The following SMARCA1 variants were observed in gnomAD, a reference collection of about 807,000 sequenced individuals.
SMARCA1 encodes SWI/SNF-related matrix-associated actin-dependent regulator of chromatin subfamily A member 1.
In SMARCA1, 17 loss-of-function variants were observed where a neutral mutation model predicts 93.6. The observed-to-expected ratio is 0.18, with a 90% CI of 0.12 to 0.27. SMARCA1 has a LOEUF of 0.27. SMARCA1 is among the 10% of genes least tolerant of loss of function. The pLI is 1.00. For synonymous variants in SMARCA1, 271 were observed against 271.4 expected, an observed-to-expected ratio of 1.00 and a Z score of 0.01; for missense variants, 630 against 819.0, an observed-to-expected ratio of 0.77 and a Z score of 2.82.
At chrX:129,471,087 G>C in intron 20 of SMARCA1, 117 bp downstream of exon 20, 1 of 492,560 alleles carries the variant, frequency 2.0e-6, no homozygotes. Flanking sequence ...AAATAGCCCT[G>C]AGTTTTGTTG....
At chrX:129,451,897 G>A (rs1409349479) in intron 23 of SMARCA1, among the ~76,000 whole-genome samples, 1 of 110,746 alleles carries the variant, frequency 9.0e-6, no homozygotes, top group Non-Finnish European at 1.9e-5. Context: ...TAGAGACAGG[G>A]TTTCACCATG....
chrX:129,523,011 G>A (rs1935464484), intron 1 of SMARCA1, among the ~76,000 whole-genome samples, 186 bp downstream of exon 1: 1 of 111,152 alleles, frequency 9.0e-6, no homozygotes, highest in Admixed American at 9.3e-5. Flanking sequence ...CGTCCTCCAG[G>A]CGGCGAGAAG....
chrX:129,471,709 A>C (rs1392203489), intron 19 of SMARCA1, among the ~76,000 whole-genome samples: 3 of 112,440 alleles, frequency 2.7e-5, no homozygotes, highest in Admixed American at 9.4e-5. Flanking sequence ...AACGCACCTG[A>C]ACATTACATC....
At chrX:129,471,948 G>A (rs933630406) in intron 19 of SMARCA1, among the ~76,000 whole-genome samples, 2 of 112,246 alleles carry the variant, frequency 1.8e-5, no homozygotes, top group African/African-American at 6.5e-5. Flanking sequence ...CAACAGCAGT[G>A]ACCAACAGAA....
intron 6 of SMARCA1, among the ~76,000 whole-genome samples, chrX:129,508,538 C>T (rs1934906760): frequency 1.8e-5 from 2 of 112,373 alleles, no homozygotes; most frequent in South Asian, 7.4e-4. Flanking sequence ...ATGATTCCAA[C>T]CTTTGGAGAA....
chrX:129,457,214 G>C (rs965886128), intron 23 of SMARCA1, among the ~76,000 whole-genome samples: 2 of 112,444 alleles, frequency 1.8e-5, no homozygotes, highest in East Asian at 5.6e-4. Context: ...AAGCAATAAA[G>C]TATTTTTTAA....
rs760258593 is a variant in SMARCA1 at position 129,466,324 on chromosome X, G to A, written c.2699-362C>T. The stretch of plus-strand genomic sequence containing the variant: ...AACACATAAAGTGACACAGGAGAGA[G>A]TAATATATAAACAGTGAATATAGCT... On this transcript the variant is annotated intron_variant, in intron 21 of 24. Coordinates refer to ENST00000371121, the MANE Select transcript of SMARCA1 (RefSeq NM_001282874.2). Among the ~76,000 whole-genome samples the A allele has an allele frequency of 3.1e-4, 35 of 111,213 alleles. No individual in the cohort carries two copies. In the South Asian group the frequency reaches 6.8e-3, roughly 22 times the overall value.
chrX:129,490,590 G>A (rs749467046), intron 14 of SMARCA1, among the ~76,000 whole-genome samples: 61 of 112,025 alleles, frequency 5.4e-4, no homozygotes, highest in Middle Eastern at 9.2e-3. Flanking sequence ...ACTTCTTTCT[G>A]CTTACTGAGG....
rs1418378308 is a variant in SMARCA1, at chrX:129,507,807, C to T, written c.966+134G>A. Reference sequence around the variant, plus strand: ...GATCTTGTGATCCGCCCTCCTCGGCCTCCCAAAGTGCTGGGATTACAGGCG... The same window carrying T: ...GATCTTGTGATCCGCCCTCCTCGGCTTCCCAAAGTGCTGGGATTACAGGCG... On this transcript the variant is annotated intron_variant, in intron 7 of 24. Coordinates refer to ENST00000371121, the MANE Select transcript of SMARCA1 (RefSeq NM_001282874.2). 4 of 421,272 alleles carry T rather than the reference C, an allele frequency of 9.5e-6. No individual in the cohort carries two copies. In the Admixed American group the frequency reaches 2.1e-4, roughly 23 times the overall value. The allele number at this position is 421,272 out of a possible 1,213,427, so 34.7% of individuals were successfully genotyped here.
rs966164568 is a variant in SMARCA1, at chrX:129,446,939, C to T, written c.*223G>A. 1 of 330,301 alleles carries T rather than the reference C, an allele frequency of 3.0e-6. No individual in the cohort carries two copies. Among genetic ancestry groups the T allele is most frequent in the Non-Finnish European group, 5.2e-6 (1 of 193,305 alleles). 27.2% of individuals were successfully genotyped at this position (330,301 alleles called of 1,213,427 possible). A position where few individuals can be genotyped will look rare whatever the true frequency, so the allele number is the denominator to read the frequency against. ...AGGACTGAGAGGATTTTGATGAAGA[C>T]ATGAAATGCACAAAATACAGTACAC... On this transcript the variant is annotated 3_prime_UTR_variant, in exon 25 of 25. Coordinates refer to ENST00000371121, the MANE Select transcript of SMARCA1 (RefSeq NM_001282874.2).
chrX:129,475,645 G>T (rs745872597), intron 19 of SMARCA1, among the ~76,000 whole-genome samples: 1 of 112,553 alleles, frequency 8.9e-6, no homozygotes, highest in Non-Finnish European at 1.9e-5. Context: ...TATATAAAAT[G>T]TTATCTTTCT....
chrX:129,494,308 C>T (rs1934237354), intron 12 of SMARCA1, among the ~76,000 whole-genome samples: 1 of 111,484 alleles, frequency 9.0e-6, no homozygotes, highest in African/African-American at 3.3e-5. Flanking sequence ...TTCAGGGAAA[C>T]CAATCCTCAG....
At chrX:129,497,795 A>T in intron 11 of SMARCA1, 50 bp downstream of exon 11, 1 of 794,827 alleles carries the variant, frequency 1.3e-6, no homozygotes. Context: ...TTTATATACA[A>T]GTCATTAATA....
rs3069688 is a variant in SMARCA1 at position 129,479,653 on chromosome X, A to ATATTTTATTTTATTT, written c.2442+1033_2442+1047dup. Among the ~76,000 whole-genome samples the ATATTTTATTTTATTT allele has an allele frequency of 6.4e-3, 604 of 94,036 alleles. 9 individuals are homozygous for ATATTTTATTTTATTT. Among genetic ancestry groups the ATATTTTATTTTATTT allele is most frequent in the African/African-American group, 0.023 (527 of 23,376 alleles). The allele number at this position is 94,036 out of a possible 115,157, so 81.7% of individuals were successfully genotyped here. A position where few individuals can be genotyped will look rare whatever the true frequency, so the allele number is the denominator to read the frequency against. ...ACTTCATAAAATTAAAATAGTGTTA[A>ATATTTTATTTTATTT]TATTTTATTTTATTTTATTTTATTT... On this transcript the variant is annotated intron_variant, in intron 19 of 24. Transcript: ENST00000371121.
At chrX:129,521,333 T>C (rs759988080) in intron 1 of SMARCA1, among the ~76,000 whole-genome samples, 74 of 112,251 alleles carry the variant, frequency 6.6e-4, no homozygotes, top group Non-Finnish European at 1.1e-3. Context: ...GAGGTTAATC[T>C]GCACTTTTAG....
At chrX:129,500,629 G>A (rs750645235) in intron 9 of SMARCA1, among the ~76,000 whole-genome samples, 1 of 112,707 alleles carries the variant, frequency 8.9e-6, no homozygotes, top group South Asian at 3.6e-4. Context: ...TCTCATCATT[G>A]TGCTAAGATC....
At chrX:129,517,545 A>G (rs1337571794) in intron 2 of SMARCA1, among the ~76,000 whole-genome samples, 1 of 111,361 alleles carries the variant, frequency 9.0e-6, no homozygotes, top group Non-Finnish European at 1.9e-5. Flanking sequence ...CTGGAATGTT[A>G]TTTTTAGAGT....
chrX:129,512,404 T>C (rs1476013523), intron 5 of SMARCA1, among the ~76,000 whole-genome samples: 1 of 111,823 alleles, frequency 8.9e-6, no homozygotes, highest in Non-Finnish European at 1.9e-5. Flanking sequence ...CTAACATTAT[T>C]ACAGCCCAGA....
At chrX:129,486,842 G>GACA (rs1933911936) in intron 17 of SMARCA1, among the ~76,000 whole-genome samples, 176 bp downstream of exon 17, 1 of 111,084 alleles carries the variant, frequency 9.0e-6, no homozygotes, top group African/African-American at 3.3e-5. Flanking sequence ...TGATGACGAC[G>GACA]ACGACGATAA....
Sources: gnomAD v4.1 joint callset for allele counts (sites outside exome capture counted in the v4.1 genomes callset) on GRCh38, gnomAD v4.1.1 for gene constraint, MANE v1.5 for transcripts, NCBI Gene and HGNC (gene_info 2026-07-23, HGNC 2026-07-21) for gene names.